DNAJC1: variants seen among roughly 807,000 people sequenced by gnomAD.
DNAJC1 encodes the protein dnaJ homolog subfamily C member 1.
DNAJC1 carries 58 observed loss-of-function variants against 76.6 expected under a neutral mutation model. That is an observed-to-expected ratio of 0.76 (90% CI 0.61 to 0.94). DNAJC1 has a LOEUF of 0.94. DNAJC1 is among the 40% of genes least tolerant of loss of function. The probability of loss-of-function intolerance (pLI) is 0.00; values close to 1 mark genes in which losing one functional copy is unlikely to be tolerated. For missense variants in DNAJC1, 689 were observed against 677.3 expected (o/e 1.02, Z -0.19); for synonymous variants, 258 against 267.9 (o/e 0.96, Z 0.36).
chr10:21,905,427 G>T (rs1836728082), intron 6 of DNAJC1, among the ~76,000 whole-genome samples: 1 of 152,024 alleles, frequency 6.6e-6, no homozygotes, highest in South Asian at 2.1e-4. Flanking sequence ...ATTAACAGCT[G>T]CCAGCCCACA....
chr10:21,913,192 T>TA (rs928942100), intron 6 of DNAJC1, among the ~76,000 whole-genome samples: 1 of 152,078 alleles, frequency 6.6e-6, no homozygotes, highest in Non-Finnish European at 1.5e-5. Context: ...CTTAAAAAGG[T>TA]AAAAAATTTA....
At chr10:21,963,742 G>A (rs1022203361) in intron 1 of DNAJC1, among the ~76,000 whole-genome samples, 1 of 151,846 alleles carries the variant, frequency 6.6e-6, no homozygotes, top group Non-Finnish European at 1.5e-5. Flanking sequence ...TTTTTCATTG[G>A]CTCAATTTTT....
At chr10:21,989,195 G>GTTCT (rs1721376399) in intron 1 of DNAJC1, among the ~76,000 whole-genome samples, 1 of 151,990 alleles carries the variant, frequency 6.6e-6, no homozygotes, top group African/African-American at 2.4e-5. Context: ...GTGGCAAAAG[G>GTTCT]TTCTCAGATA....
At chr10:21,914,107 A>C (rs1376636128) in intron 6 of DNAJC1, among the ~76,000 whole-genome samples, 1 of 152,190 alleles carries the variant, frequency 6.6e-6, no homozygotes, top group Non-Finnish European at 1.5e-5. Context: ...CTGCCTATGT[A>C]GATTACATGG....
At chr10:21,875,413 C>A (rs1346679295) in intron 8 of DNAJC1, among the ~76,000 whole-genome samples, 1 of 152,160 alleles carries the variant, frequency 6.6e-6, no homozygotes, top group Non-Finnish European at 1.5e-5. Flanking sequence ...ACCTCAGCCT[C>A]CTGAAGTGTT....
At chr10:21,790,386 G>A (rs983507956) in intron 9 of DNAJC1, among the ~76,000 whole-genome samples, 2 of 151,494 alleles carry the variant, frequency 1.3e-5, no homozygotes, top group African/African-American at 2.4e-5. Context: ...AGGCAAAGAC[G>A]AAGAGAAAAT....
intron 9 of DNAJC1, among the ~76,000 whole-genome samples, chr10:21,772,964 G>C (rs1589974549): frequency 1.3e-5 from 2 of 152,042 alleles, no homozygotes; most frequent in African/African-American, 4.8e-5. Flanking sequence ...AGAGAGCGAG[G>C]GGGAAATGGT....
intron 8 of DNAJC1, among the ~76,000 whole-genome samples, chr10:21,854,350 TAAA>T (rs56109403): frequency 7.5e-4 from 99 of 131,254 alleles, no homozygotes; most frequent in African/African-American, 1.3e-3. Context: ...TGTGGATCTT[TAAA>T]AAAAAAAAAA....
chr10:21,850,715 A>G (rs1027356547), intron 8 of DNAJC1, among the ~76,000 whole-genome samples: 9 of 152,144 alleles, frequency 5.9e-5, no homozygotes, highest in African/African-American at 2.2e-4. Flanking sequence ...TAAATAGCCA[A>G]AATGAACTTG....
At chr10:21,828,451 T>C (rs1033780322) in intron 8 of DNAJC1, among the ~76,000 whole-genome samples, 1 of 152,240 alleles carries the variant, frequency 6.6e-6, no homozygotes, top group Non-Finnish European at 1.5e-5. Flanking sequence ...GCTTCAAATA[T>C]TTTACAAGTT....
intron 3 of DNAJC1, among the ~76,000 whole-genome samples, chr10:21,924,730 T>C (rs1837095185): frequency 6.6e-6 from 1 of 152,154 alleles, no homozygotes; most frequent in Non-Finnish European, 1.5e-5. Context: ...GAAAAATGCA[T>C]AATTAGGCAA....
intron 8 of DNAJC1, among the ~76,000 whole-genome samples, chr10:21,837,719 C>T (rs1244838942): frequency 7.3e-5 from 11 of 150,840 alleles, no homozygotes; most frequent in Non-Finnish European, 1.3e-4. Context: ...GCCTGGCAGC[C>T]GCCCCGTCCG....
At chr10:21,932,109 G>C (rs968933458) in intron 1 of DNAJC1, among the ~76,000 whole-genome samples, 30 of 152,210 alleles carry the variant, frequency 2.0e-4, no homozygotes, top group African/African-American at 7.2e-4. Context: ...GGCTGAGGCA[G>C]GCAGATCACT....
At chr10:21,800,318 C>T (rs1834799913) in intron 9 of DNAJC1, among the ~76,000 whole-genome samples, 1 of 152,118 alleles carries the variant, frequency 6.6e-6, no homozygotes, top group Admixed American at 6.5e-5. Context: ...TCATATACCA[C>T]TAGTGGGAAT....
At chr10:21,783,667 G>A (rs1219271936) in intron 9 of DNAJC1, among the ~76,000 whole-genome samples, 3 of 152,200 alleles carry the variant, frequency 2.0e-5, no homozygotes, top group Non-Finnish European at 4.4e-5. Flanking sequence ...CAAGGCTACA[G>A]TAACCAAAAC....
At position 22,003,564 on chromosome 10, in the gene DNAJC1, C is replaced by G; in HGVS notation, c.-130G>C. 1 of 1,131,140 alleles carries G rather than the reference C, an allele frequency of 8.8e-7. No individual in the cohort carries two copies. Among genetic ancestry groups the G allele is most frequent in the Non-Finnish European group, 1.1e-6 (1 of 887,576 alleles). The allele number at this position is 1,131,140 out of a possible 1,614,324, so 70.1% of individuals were successfully genotyped here. A position where few individuals can be genotyped will look rare whatever the true frequency, so the allele number is the denominator to read the frequency against. On this transcript the variant is annotated 5_prime_UTR_variant, in exon 1 of 12. Coordinates refer to ENST00000376980, the MANE Select transcript of DNAJC1 (RefSeq NM_022365.4). Reference sequence around the variant, plus strand: ...CGCGGGCAGGCGCACCGGAGCGGCCCGCCAGGTGGCTGGCCCCAGACAGAG... The same window carrying G: ...CGCGGGCAGGCGCACCGGAGCGGCCGGCCAGGTGGCTGGCCCCAGACAGAG...
chr10:21,928,780 T>C (rs1013579281), intron 2 of DNAJC1, among the ~76,000 whole-genome samples: 5 of 152,148 alleles, frequency 3.3e-5, no homozygotes, highest in African/African-American at 7.2e-5. Flanking sequence ...GTAATACTTA[T>C]CTTAAAATGT....
chr10:21,866,121 TGA>T (rs1835996228), intron 8 of DNAJC1, among the ~76,000 whole-genome samples: 1 of 117,004 alleles, frequency 8.5e-6, no homozygotes, highest in Admixed American at 1.2e-4. Flanking sequence ...GGCGAGAGAG[TGA>T]GACTTCAACT....
chr10:21,788,515 A>G (rs778740294), intron 9 of DNAJC1, among the ~76,000 whole-genome samples: 1 of 152,114 alleles, frequency 6.6e-6, no homozygotes, highest in Non-Finnish European at 1.5e-5. Flanking sequence ...CCAGCACCCT[A>G]TGGTCTGGGC....
Sources: allele counts gnomAD v4.1 joint callset (sites outside exome capture counted in the v4.1 genomes callset), GRCh38; gene constraint gnomAD v4.1.1; transcripts MANE v1.5; gene names NCBI Gene and HGNC (gene_info 2026-07-23, HGNC 2026-07-21).